PLA2R1: variants seen among roughly 807,000 people sequenced by gnomAD.
The protein encoded by PLA2R1 is secretory phospholipase A2 receptor.
Under a neutral mutation model 195.9 loss-of-function variants are expected in PLA2R1, and 158 were observed. That is an observed-to-expected ratio of 0.81 (90% confidence interval 0.71 to 0.92). The LOEUF (loss-of-function observed/expected upper bound fraction) is 0.92, where lower values mean the gene tolerates loss of function less well. Among genes scored for constraint, PLA2R1 ranks in the 40% least tolerant of loss-of-function variants. The pLI is 0.00. For missense variants in PLA2R1, 1,626 were observed against 1,764.6 expected (o/e 0.92, Z 1.41); for synonymous variants, 586 against 598.2 (o/e 0.98, Z 0.30).
At chr2:159,971,487 C>A (rs1432854010) in intron 17 of PLA2R1, among the ~76,000 whole-genome samples, 1 of 151,352 alleles carries the variant, frequency 6.6e-6, no homozygotes, top group Non-Finnish European at 1.5e-5. Context: ...CACACACACA[C>A]ATACACACAC....
At chr2:159,968,294 T>A (rs1205996983) in intron 19 of PLA2R1, among the ~76,000 whole-genome samples, 1 of 152,118 alleles carries the variant, frequency 6.6e-6, no homozygotes, top group Non-Finnish European at 1.5e-5. Flanking sequence ...GAATGCATTT[T>A]ATTGGCATCC....
intron 8 of PLA2R1, among the ~76,000 whole-genome samples, chr2:160,019,481 C>T (rs909524026): frequency 6.6e-6 from 1 of 152,210 alleles, no homozygotes; most frequent in African/African-American, 2.4e-5. Flanking sequence ...ACAGTCACTA[C>T]CCTAAGTCAA....
intron 9 of PLA2R1, among the ~76,000 whole-genome samples, chr2:160,016,287 A>G (rs1692749459): frequency 6.6e-6 from 1 of 151,720 alleles, no homozygotes; most frequent in Non-Finnish European, 1.5e-5. Context: ...GAAAAAGAAA[A>G]AGAAAAGAAA....
chr2:160,054,648 C>G (rs1695420925), intron 1 of PLA2R1, among the ~76,000 whole-genome samples: 1 of 152,148 alleles, frequency 6.6e-6, no homozygotes, highest in Non-Finnish European at 1.5e-5. Flanking sequence ...TCACAGAACC[C>G]AAGTTACAGA....
chr2:159,979,291 C>A (rs573604200), intron 14 of PLA2R1, among the ~76,000 whole-genome samples: 1 of 152,226 alleles, frequency 6.6e-6, no homozygotes, highest in East Asian at 1.9e-4. Flanking sequence ...CTGTGTCCTT[C>A]ATAGAGGTTT....
At chr2:160,044,454 C>G (rs1374730684) in intron 2 of PLA2R1, among the ~76,000 whole-genome samples, 1 of 152,150 alleles carries the variant, frequency 6.6e-6, no homozygotes, top group Non-Finnish European at 1.5e-5. Flanking sequence ...TTTCCTTCCA[C>G]CGTCCTTTTC....
In PLA2R1 at chr2:159,935,945, A is replaced by ATTTTTTTTTTCTTTTTTTTTTTTTTT. The variant is rs1686800940; in HGVS notation, c.*5832_*5833insAAAAAAAAAAAAAAAGAAAAAAAAAA. 1 of 107,230 alleles carries ATTTTTTTTTTCTTTTTTTTTTTTTTT rather than the reference A, an allele frequency of 9.3e-6. No individual in the cohort carries two copies. The highest frequency in any genetic ancestry group is 1.9e-5 in the Non-Finnish European group (1 of 53,576). 6.6% of individuals were successfully genotyped at this position (107,230 alleles called of 1,614,324 possible). A position where few individuals can be genotyped will look rare whatever the true frequency, so the allele number is the denominator to read the frequency against. On this transcript the variant is annotated 3_prime_UTR_variant, in exon 30 of 30. Transcript: ENST00000283243. ...GCAGTAAAAATATGTATATAAATTA[A>ATTTTTTTTTTCTTTTTTTTTTTTTTT]TTTTTTTTTTTTTTTTTTTTTTTTG... is the stretch of plus-strand genomic sequence containing the variant.
intron 1 of PLA2R1, among the ~76,000 whole-genome samples, chr2:160,049,624 T>C (rs182349379): frequency 1.2e-4 from 18 of 152,142 alleles, no homozygotes; most frequent in South Asian, 4.2e-4. Context: ...TCCCAGCACT[T>C]TGGGAGGCTA....
chr2:160,054,747 TTTTG>T (rs1431665864), intron 1 of PLA2R1, among the ~76,000 whole-genome samples: 5 of 152,356 alleles, frequency 3.3e-5, no homozygotes, highest in South Asian at 4.1e-4. Context: ...TATGGTGTTC[TTTTG>T]TTTATTTTAT....
chr2:159,941,546 C>T lies in PLA2R1; in HGVS notation c.*232G>A. 1 of 336,682 alleles carries T rather than the reference C, an allele frequency of 3.0e-6. No homozygotes were observed. Among genetic ancestry groups the T allele is most frequent in the South Asian group, 7.7e-5 (1 of 12,922 alleles). The allele number at this position is 336,682 out of a possible 1,614,324, so 20.9% of individuals were successfully genotyped here. ...TAGTTCTTGTCTTTCTGAAAAATAA[C>T]CAATGCATAATTTACCCCTTTTAAG... is the stretch of plus-strand genomic sequence containing the variant. On this transcript the variant is annotated 3_prime_UTR_variant, in exon 30 of 30. Transcript: ENST00000283243.
chr2:159,942,527 T>C (rs1242970621), intron 28 of PLA2R1, among the ~76,000 whole-genome samples: 1 of 152,202 alleles, frequency 6.6e-6, no homozygotes, highest in East Asian at 1.9e-4. Flanking sequence ...GCAATAAATA[T>C]AGAGTAAAAT....
chr2:159,971,074 A>G (rs1278971242), intron 17 of PLA2R1, among the ~76,000 whole-genome samples: 1 of 152,202 alleles, frequency 6.6e-6, no homozygotes, highest in African/African-American at 2.4e-5. Context: ...CATGTTCTGC[A>G]CATGTATCCC....
At chr2:159,924,554 C>T in the PLA2R1 span, among the ~76,000 whole-genome samples, 12 of 151,962 alleles carry the variant, frequency 7.9e-5, no homozygotes, top group East Asian at 1.9e-4. Flanking sequence ...ATATCAAGTA[C>T]GATAGTCTTC....
chr2:160,044,893 G>C lies in PLA2R1; in HGVS notation c.374C>G (p.Pro125Arg), dbSNP rs144592530. The change falls in exon 2 of 30, where the codon CCG becomes CGG. Residue 125 changes from proline (P) to arginine (R), a missense_variant. Pro to Arg is a moderately radical substitution (Grantham distance 103). Transcript: ENST00000283243. ...CGCCACCTGGACAGAGTACTGCAGC[G>C]GGCCTGTGATCATCTTCCTGTTACA... Reference protein sequence around the residue: ...WRCNRKMITGPLQYSVQVAHD... With the variant: ...WRCNRKMITGRLQYSVQVAHD... The C allele has an allele frequency of 6.2e-6, 10 of 1,614,016 alleles. No individual in the cohort carries two copies. In the African/African-American group the frequency reaches 1.2e-4, roughly 19 times the overall value.
chr2:159,951,654 C>T (rs139939898), intron 23 of PLA2R1, 76 bp from the exon 24 acceptor site: 12 of 772,540 alleles, frequency 1.6e-5, no homozygotes, highest in African/African-American at 1.4e-4. Context: ...AGCATAGATC[C>T]TTGTCACTAT....
intron 28 of PLA2R1, 110 bp downstream of exon 28, chr2:159,944,796 A>G (rs1012792315): frequency 3.9e-6 from 3 of 772,262 alleles, no homozygotes; most frequent in East Asian, 2.5e-5. Context: ...GTCAGAATCT[A>G]TCTGAATACT....
At chr2:159,951,030 G>T (rs1378345061) in intron 24 of PLA2R1, among the ~76,000 whole-genome samples, 1 of 152,136 alleles carries the variant, frequency 6.6e-6, no homozygotes. Context: ...TTGAGTTTCA[G>T]CTGTGTTCCA....
chr2:159,992,709 C>A, intron 11 of PLA2R1, among the ~76,000 whole-genome samples: 1 of 152,134 alleles, frequency 6.6e-6, no homozygotes, highest in East Asian at 1.9e-4. Context: ...ATCGCCAAGT[C>A]AATCCTAAGC....
chr2:160,034,317 A>C (rs1694042007), intron 3 of PLA2R1, among the ~76,000 whole-genome samples: 2 of 152,174 alleles, frequency 1.3e-5, no homozygotes, highest in Admixed American at 1.3e-4. Context: ...GAGTTTCCTG[A>C]CTGATACATG....
Sources: allele counts gnomAD v4.1 joint callset (sites outside exome capture counted in the v4.1 genomes callset), GRCh38; gene constraint gnomAD v4.1.1; transcripts MANE v1.5; gene names NCBI Gene and HGNC (gene_info 2026-07-23, HGNC 2026-07-21).